Variants in LMO2 observed in about 807,000 individuals in gnomAD.
LMO2 encodes the protein rhombotin-2.
A neutral mutation model predicts 23.2 loss-of-function variants in LMO2; 20 were observed. The ratio of observed to expected loss-of-function variants is 0.86; its 90% CI spans 0.61 to 1.25. The LOEUF (loss-of-function observed/expected upper bound fraction) is 1.25, where lower values mean the gene tolerates loss of function less well. Among genes scored for constraint, LMO2 ranks in the 50% most tolerant of loss-of-function variants. LMO2 has a pLI of 0.00. For missense variants in LMO2, 270 were observed against 315.3 expected (o/e 0.86, Z 1.09); for synonymous variants, 123 against 130.2 (o/e 0.94, Z 0.38).
Position 33,859,470 on chromosome 11 carries a change from T to C in LMO2, c.570A>G (p.Lys190=), listed in dbSNP as rs3740617. The change falls in exon 6 of 6, where the codon AAA becomes AAG. Residue 190 remains lysine (K), a synonymous_variant. Coordinates refer to ENST00000257818, the MANE Select transcript of LMO2 (RefSeq NM_005574.4). The stretch of plus-strand genomic sequence containing the variant: ...AGAAATGCTTCTGACAGGCGGCGCA[T>C]TTGAAACATTCCAGGTGATACACTT... ...KDKVYHLECF[K]CAACQKHFCV... 0.6 allele frequency: 970,969 copies of C among 1,613,584 alleles called. 295,058 individuals carry two copies. The highest frequency in any genetic ancestry group is 0.75 in the Admixed American group (44,773 of 60,000).
intron 1 of LMO2, among the ~76,000 whole-genome samples, chr11:33,883,209 A>G (rs1771635973): frequency 6.6e-6 from 1 of 152,222 alleles, no homozygotes; most frequent in Admixed American, 6.5e-5. Flanking sequence ...GATGGTACCT[A>G]CGAAGTACTC....
intron 2 of LMO2, among the ~76,000 whole-genome samples, chr11:33,872,356 A>C (rs1395341226): frequency 6.6e-6 from 1 of 152,196 alleles, no homozygotes; most frequent in African/African-American, 2.4e-5. Flanking sequence ...AGACGACAGA[A>C]CCTATTGCCT....
intron 1 of LMO2, among the ~76,000 whole-genome samples, chr11:33,888,734 G>T (rs1205632018): frequency 1.3e-5 from 2 of 152,162 alleles, no homozygotes; most frequent in Non-Finnish European, 2.9e-5. Context: ...TTATTTGATT[G>T]GTGTCTGTCT....
At chr11:33,881,734 C>G (rs1214205058) in intron 2 of LMO2, 90 bp downstream of exon 2, 4 of 242,688 alleles carry the variant, frequency 1.6e-5, no homozygotes, top group Non-Finnish European at 3.3e-5. Context: ...AATCCAAGAG[C>G]CTTCTTAGCC....
chr11:33,891,394 C>T (rs1217108822), intron 1 of LMO2, among the ~76,000 whole-genome samples: 1 of 151,640 alleles, frequency 6.6e-6, no homozygotes, highest in Non-Finnish European at 1.5e-5. Flanking sequence ...CACACATGCA[C>T]ACACACTCAC....
At chr11:33,873,240 G>A (rs1041479396) in intron 2 of LMO2, among the ~76,000 whole-genome samples, 2 of 152,148 alleles carry the variant, frequency 1.3e-5, no homozygotes, top group Non-Finnish European at 2.9e-5. Context: ...TTTGACCTGA[G>A]TGTGTAAAGA....
rs1857254676 is a variant in LMO2 at position 33,880,451 on chromosome 11, T to C, written c.-272+1373A>G. Among the ~76,000 whole-genome samples the C allele has an allele frequency of 6.6e-6, 1 of 152,078 alleles. No individual in the cohort carries two copies. The highest frequency in any genetic ancestry group is 1.5e-5 in the Non-Finnish European group (1 of 68,018). On this transcript the variant is annotated intron_variant, in intron 2 of 5. Coordinates refer to ENST00000257818, the MANE Select transcript of LMO2 (RefSeq NM_005574.4). This position sits in a 1 kb window ranked among gnomAD's most constrained non-coding sequence, Gnocchi z 4.3. ...ACAAAGACTATATATGATTCTACTT[T>C]TGTGAAGTACTTAAACAAATACATA...
chr11:33,862,565 C>A (rs908955944), intron 5 of LMO2, among the ~76,000 whole-genome samples: 24 of 151,564 alleles, frequency 1.6e-4, no homozygotes, highest in African/African-American at 5.1e-4. Flanking sequence ...CTGTAACAGG[C>A]AACTCAGCCA....
chr11:33,868,567 C>A (rs956684747), intron 4 of LMO2, among the ~76,000 whole-genome samples: 2 of 152,208 alleles, frequency 1.3e-5, no homozygotes, highest in Non-Finnish European at 2.9e-5. Flanking sequence ...AACCAGTACG[C>A]GGCTCAGAAA....
Position 33,869,761 on chromosome 11 carries a change from CG to C in LMO2, c.-46del. Reference sequence around the variant, plus strand: ...CCGCCCGGTCCCTCTCGCGCGCTGTCGCCGGCTCCGCGCCGCCCGCGGGGAT... The same window carrying C: ...CCGCCCGGTCCCTCTCGCGCGCTGTCCCGGCTCCGCGCCGCCCGCGGGGAT... On this transcript the variant is annotated 5_prime_UTR_variant, in exon 3 of 6. Coordinates refer to ENST00000257818, the MANE Select transcript of LMO2 (RefSeq NM_005574.4). 1 of 1,199,446 alleles carries C rather than the reference CG, an allele frequency of 8.3e-7. No individual in the cohort carries two copies. Among genetic ancestry groups the C allele is most frequent in the Admixed American group, 4.2e-5 (1 of 23,534 alleles). 74.3% of individuals were successfully genotyped at this position (1,199,446 alleles called of 1,614,324 possible). A position where few individuals can be genotyped will look rare whatever the true frequency, so the allele number is the denominator to read the frequency against.
chr11:33,890,151 G>A (rs182030702), intron 1 of LMO2, among the ~76,000 whole-genome samples: 1 of 152,008 alleles, frequency 6.6e-6, no homozygotes, highest in Non-Finnish European at 1.5e-5. Flanking sequence ...AGGGTGGGGG[G>A]AGGATGATGA....
At chr11:33,885,900 A>C (rs1392019953) in intron 1 of LMO2, among the ~76,000 whole-genome samples, 1 of 150,480 alleles carries the variant, frequency 6.6e-6, no homozygotes, top group African/African-American at 2.5e-5. Flanking sequence ...TTTGAGCCAG[A>C]GTTTCGCTCT....
chr11:33,860,111 C>T (rs1383124203), intron 5 of LMO2, among the ~76,000 whole-genome samples: 2 of 152,022 alleles, frequency 1.3e-5, no homozygotes, highest in African/African-American at 4.8e-5. Flanking sequence ...AGCTGCAAAG[C>T]ACATCTCCCC....
chr11:33,881,362 T>C (rs1857279373), intron 2 of LMO2: 1 of 456,634 alleles, frequency 2.2e-6, no homozygotes, highest in Non-Finnish European at 4.4e-6. Context: ...TGGCAACTTT[T>C]GCAAAATGAA....
At position 33,864,957 on chromosome 11, in the gene LMO2, T is replaced by A; in HGVS notation, c.249-140A>T. 2.6e-6 allele frequency: 2 copies of A among 760,574 alleles called. No individual in the cohort carries two copies. The highest frequency in any genetic ancestry group is 4.5e-6 in the Non-Finnish European group (2 of 443,454). The allele number at this position is 760,574 out of a possible 1,614,324, so 47.1% of individuals were successfully genotyped here. On this transcript the variant is annotated intron_variant, in intron 4 of 5. Coordinates refer to ENST00000257818, the MANE Select transcript of LMO2 (RefSeq NM_005574.4). This position sits in a 1 kb window ranked among gnomAD's most constrained non-coding sequence, Gnocchi z 4.8. ...AAGGGAGAAGGGACAGGACAACACA[T>A]CCCTTGGCCAGACTGCAGAGTCCCA...
At chr11:33,877,455 C>T (rs1006929912) in intron 2 of LMO2, among the ~76,000 whole-genome samples, 2 of 133,982 alleles carry the variant, frequency 1.5e-5, no homozygotes, top group Admixed American at 1.6e-4. Flanking sequence ...AAGCTGTCTC[C>T]AGATTCTTTT....
intron 5 of LMO2, among the ~76,000 whole-genome samples, chr11:33,859,822 C>T (rs970986492): frequency 1.9e-4 from 29 of 152,100 alleles, no homozygotes; most frequent in African/African-American, 6.8e-4. Context: ...CTGCAGCAAC[C>T]GCTCATCATT....
intron 2 of LMO2, among the ~76,000 whole-genome samples, chr11:33,873,526 C>T (rs996626496): frequency 6.6e-6 from 1 of 152,158 alleles, no homozygotes; most frequent in African/African-American, 2.4e-5. Flanking sequence ...ATTGTATCCT[C>T]CCTTAACAAC....
intron 4 of LMO2, among the ~76,000 whole-genome samples, chr11:33,868,517 T>C (rs1003572056): frequency 6.6e-6 from 1 of 152,178 alleles, no homozygotes; most frequent in African/African-American, 2.4e-5. Context: ...ACTCCCCATG[T>C]TAACGCTGAA....
Sources: allele counts gnomAD v4.1 joint callset (sites outside exome capture counted in the v4.1 genomes callset), GRCh38; gene constraint gnomAD v4.1.1; non-coding constraint Gnocchi (gnomAD v3.1); transcripts MANE v1.5; gene names NCBI Gene and HGNC (gene_info 2026-07-23, HGNC 2026-07-21).